Variants in PTK2 observed in about 807,000 individuals in gnomAD.
The protein encoded by PTK2 is focal adhesion kinase 1.
Under a neutral mutation model 150.1 loss-of-function variants are expected in PTK2, and 45 were observed. That is an observed-to-expected ratio of 0.30 (90% CI 0.24 to 0.38). The LOEUF (loss-of-function observed/expected upper bound fraction) is 0.38, where lower values mean the gene tolerates loss of function less well. Among genes scored for constraint, PTK2 ranks in the 10% least tolerant of loss-of-function variants. The probability of loss-of-function intolerance (pLI) is 1.00; values close to 1 mark genes in which losing one functional copy is unlikely to be tolerated. For synonymous variants in PTK2, 432 were observed against 449.2 expected, an observed-to-expected ratio of 0.96 and a Z score of 0.48; for missense variants, 919 against 1,307.3, an observed-to-expected ratio of 0.70 and a Z score of 4.58.
intron 26 of PTK2, among the ~76,000 whole-genome samples, chr8:140,692,870 T>G (rs1014919844): frequency 6.6e-6 from 1 of 152,348 alleles, no homozygotes; most frequent in African/African-American, 2.4e-5. Flanking sequence ...CTCTTGCCAC[T>G]GCTCTTTAGT....
intron 8 of PTK2, among the ~76,000 whole-genome samples, chr8:140,819,475 AT>A (rs1234792973): frequency 2.6e-5 from 4 of 152,390 alleles, no homozygotes; most frequent in African/African-American, 9.6e-5. Flanking sequence ...TTTAGAAATG[AT>A]TAGAGATACA....
intron 19 of PTK2, among the ~76,000 whole-genome samples, chr8:140,744,047 G>A (rs1171938341): frequency 8.0e-6 from 1 of 124,266 alleles, no homozygotes; most frequent in African/African-American, 3.3e-5. Context: ...AAAGTGCTGG[G>A]ACTACAGCTA....
intron 8 of PTK2, among the ~76,000 whole-genome samples, chr8:140,824,611 G>T (rs2100110781): frequency 6.6e-6 from 1 of 152,192 alleles, no homozygotes; most frequent in Non-Finnish European, 1.5e-5. Context: ...ACAGAAACTA[G>T]AAAATCTCTG....
chr8:140,872,788 T>C (rs1471997077), intron 4 of PTK2, among the ~76,000 whole-genome samples: 1 of 152,248 alleles, frequency 6.6e-6, no homozygotes, highest in Non-Finnish European at 1.5e-5. Context: ...GTTAGGTTTT[T>C]TCACTTTTTA....
chr8:140,773,879 C>T (rs180914763), intron 14 of PTK2, among the ~76,000 whole-genome samples: 2 of 152,292 alleles, frequency 1.3e-5, no homozygotes, highest in Admixed American at 1.3e-4. Context: ...TCAACAATTG[C>T]TCCGGGCCCG....
At chr8:140,681,588 TAACAC>T (rs1365080375) in intron 27 of PTK2, among the ~76,000 whole-genome samples, 5 of 151,864 alleles carry the variant, frequency 3.3e-5, no homozygotes, top group Non-Finnish European at 5.9e-5. Context: ...CCATCCCGGC[TAACAC>T]AGTGAAACAC....
intron 1 of PTK2, among the ~76,000 whole-genome samples, chr8:140,999,157 T>C (rs768383776): frequency 2.0e-5 from 3 of 152,224 alleles, no homozygotes; most frequent in Admixed American, 2.0e-4. Context: ...ACCGTAAACA[T>C]GGAGTTTTGA....
chr8:140,775,441 C>T (rs1014969978), intron 14 of PTK2, among the ~76,000 whole-genome samples: 1 of 151,992 alleles, frequency 6.6e-6, no homozygotes, highest in Non-Finnish European at 1.5e-5. Flanking sequence ...GCCAAGATCA[C>T]GCCACTGCAC....
At chr8:140,803,915 C>A (rs544417384) in intron 10 of PTK2, among the ~76,000 whole-genome samples, 19 of 152,168 alleles carry the variant, frequency 1.2e-4, no homozygotes, top group Non-Finnish European at 2.4e-4. Context: ...ACAGTTACCA[C>A]TGAGAGAGAA....
At position 140,800,432 on chromosome 8, in the gene PTK2, TG is replaced by T. The variant is rs2100094311; in HGVS notation, c.1093+26del. The T allele has an allele frequency of 2.6e-6, 4 of 1,561,620 alleles. No homozygotes were observed. The African/African-American group carries it at 5.4e-5, about 21-fold the overall frequency. ...GCTAAATATTTGGTAGAAGCGCAAT[TG>T]GGAATGCTCAGAAACAGCACCTCAC... is the stretch of plus-strand genomic sequence containing the variant. On this transcript the variant is annotated intron_variant, in intron 12 of 31. Coordinates refer to ENST00000522684, the Ensembl canonical transcript of PTK2.
intron 1 of PTK2, among the ~76,000 whole-genome samples, chr8:140,954,564 T>C (rs1045858767): frequency 3.3e-5 from 5 of 150,324 alleles, no homozygotes; most frequent in African/African-American, 1.3e-4. Flanking sequence ...GAAAAAAATA[T>C]ATAAAGTATC....
chr8:140,846,428 C>T (rs2154604313), intron 6 of PTK2, 106 bp from the exon 7 acceptor site: 4 of 1,257,308 alleles, frequency 3.2e-6, no homozygotes, highest in Non-Finnish European at 4.6e-6. Flanking sequence ...CAAAAATTAA[C>T]AGCAACAAAT....
intron 7 of PTK2, among the ~76,000 whole-genome samples, chr8:140,833,628 A>G: frequency 6.6e-6 from 1 of 152,204 alleles, no homozygotes; most frequent in East Asian, 1.9e-4. Flanking sequence ...AAGTGGCGTA[A>G]AAACCTTCTT....
intron 1 of PTK2, among the ~76,000 whole-genome samples, chr8:141,000,105 ACACACACACACACACACACACC>A (rs2100199444): frequency 6.7e-6 from 1 of 149,420 alleles, no homozygotes. Context: ...ACACACACAC[ACACACACACACACACACACACC>A]CCTTCTTCTA....
At chr8:140,796,699 T>C (rs185779316) in intron 12 of PTK2, among the ~76,000 whole-genome samples, 6 of 152,288 alleles carry the variant, frequency 3.9e-5, no homozygotes, top group African/African-American at 1.4e-4. Context: ...ACACCATCAG[T>C]AGAAGCAGCA....
At chr8:140,941,791 G>A (rs2100175881) in intron 1 of PTK2, among the ~76,000 whole-genome samples, 1 of 151,952 alleles carries the variant, frequency 6.6e-6, no homozygotes, top group Non-Finnish European at 1.5e-5. Flanking sequence ...ATGCAGCCTC[G>A]ACCCCTCAGG....
chr8:140,670,456 CAAAAAA>C (rs10558474), intron 29 of PTK2, among the ~76,000 whole-genome samples: 2 of 17,836 alleles, frequency 1.1e-4, no homozygotes, highest in African/African-American at 3.4e-4. Flanking sequence ...CACTGTGTCT[CAAAAAA>C]AAAAAAAAAA....
chr8:140,726,548 T>C (rs2100045935), intron 22 of PTK2, among the ~76,000 whole-genome samples: 2 of 152,152 alleles, frequency 1.3e-5, no homozygotes, highest in African/African-American at 4.8e-5. Context: ...AACAATTGTA[T>C]GGCCAGTGAC....
chr8:140,816,825 T>C (rs905667863), intron 10 of PTK2, among the ~76,000 whole-genome samples: 2 of 152,120 alleles, frequency 1.3e-5, no homozygotes, highest in Non-Finnish European at 2.9e-5. Flanking sequence ...AGTGCGAAAA[T>C]AGTACTCTCA....
Sources: allele counts gnomAD v4.1 joint callset (sites outside exome capture counted in the v4.1 genomes callset), GRCh38; gene constraint gnomAD v4.1.1; transcripts MANE v1.5; gene names NCBI Gene and HGNC (gene_info 2026-07-23, HGNC 2026-07-21).